Variants in RALGPS2 observed in about 807,000 individuals in gnomAD.
RALGPS2 encodes ras-specific guanine nucleotide-releasing factor RalGPS2.
In RALGPS2, 43 loss-of-function variants were observed where a neutral mutation model predicts 86.8. The observed-to-expected ratio is 0.50, with a 90% CI of 0.39 to 0.64. The LOEUF (loss-of-function observed/expected upper bound fraction) is 0.64, where lower values mean the gene tolerates loss of function less well. RALGPS2 is among the 30% of genes least tolerant of loss of function. RALGPS2 has a pLI of 0.00. For missense variants in RALGPS2, 536 were observed against 694.6 expected (o/e 0.77, Z 2.57); for synonymous variants, 243 against 231.3 (o/e 1.05, Z -0.46).
At chr1:178,775,073 A>G (rs1019257274) in intron 1 of RALGPS2, among the ~76,000 whole-genome samples, 1 of 152,182 alleles carries the variant, frequency 6.6e-6, no homozygotes, top group Non-Finnish European at 1.5e-5. Context: ...CTTTATGGGA[A>G]TTAAGCAGAT....
chr1:178,732,834 A>G (rs1233771372), intron 1 of RALGPS2, among the ~76,000 whole-genome samples: 1 of 151,792 alleles, frequency 6.6e-6, no homozygotes, highest in South Asian at 2.1e-4. Context: ...GATGTATTAC[A>G]TTAATAGATT....
intron 6 of RALGPS2, among the ~76,000 whole-genome samples, chr1:178,818,795 G>GT (rs138765840): frequency 6.6e-6 from 1 of 151,838 alleles, no homozygotes; most frequent in Non-Finnish European, 1.5e-5. Context: ...AAGGCTGTTG[G>GT]TTTTTTTTAC....
chr1:178,865,064 T>G (rs1658294536), intron 8 of RALGPS2: 1 of 1,515,272 alleles, frequency 6.6e-7, no homozygotes, highest in African/African-American at 1.4e-5. Flanking sequence ...CCTCTGAATC[T>G]CGTTACCTCC....
At chr1:178,854,929 G>C (rs1572406098) in intron 8 of RALGPS2, among the ~76,000 whole-genome samples, 5 of 152,094 alleles carry the variant, frequency 3.3e-5, no homozygotes, top group Admixed American at 3.3e-4. Flanking sequence ...TCCTTCTCCA[G>C]TGTTTCGAGC....
intron 4 of RALGPS2, among the ~76,000 whole-genome samples, chr1:178,798,569 G>T (rs1654315148): frequency 6.6e-6 from 1 of 152,076 alleles, no homozygotes; most frequent in Admixed American, 6.5e-5. Context: ...CACAGATTAA[G>T]GTCTGCAGCT....
chr1:178,905,820 A>C (rs780005080), intron 18 of RALGPS2, among the ~76,000 whole-genome samples: 29 of 152,240 alleles, frequency 1.9e-4, no homozygotes, highest in South Asian at 2.1e-4. Context: ...ATTAAAGTCA[A>C]TATAGAAATT....
intron 8 of RALGPS2, among the ~76,000 whole-genome samples, chr1:178,856,342 C>T (rs1248889792): frequency 6.8e-6 from 1 of 146,584 alleles, no homozygotes; most frequent in African/African-American, 2.5e-5. Context: ...ATCCTCCCAC[C>T]TCAGCCTCCC....
At chr1:178,897,558 G>A in intron 16 of RALGPS2, 106 bp from the exon 17 acceptor site, 2 of 867,880 alleles carry the variant, frequency 2.3e-6, no homozygotes, top group South Asian at 2.9e-5. Flanking sequence ...CTGAGGTTAG[G>A]ACTTTGGTTG....
chr1:178,893,161 T>C (rs1659787535), intron 15 of RALGPS2, among the ~76,000 whole-genome samples: 1 of 152,040 alleles, frequency 6.6e-6, no homozygotes, highest in Non-Finnish European at 1.5e-5. Flanking sequence ...TTTTATTGGC[T>C]CATGTAGAAA....
At chr1:178,881,690 A>G (rs191173281) in intron 10 of RALGPS2, among the ~76,000 whole-genome samples, 8 of 152,246 alleles carry the variant, frequency 5.3e-5, no homozygotes, top group African/African-American at 1.9e-4. Context: ...ACCTCAGATG[A>G]TTCACCAGCT....
chr1:178,777,041 G>A (rs1183597329), intron 2 of RALGPS2, among the ~76,000 whole-genome samples: 3 of 151,066 alleles, frequency 2.0e-5, no homozygotes, highest in East Asian at 1.9e-4. Context: ...ATGCTGGTGC[G>A]CTGCACCCAC....
chr1:178,802,399 G>T (rs1036242258), intron 4 of RALGPS2, among the ~76,000 whole-genome samples: 1 of 152,134 alleles, frequency 6.6e-6, no homozygotes, highest in Middle Eastern at 3.4e-3. Context: ...TGCTTCTTAG[G>T]AGCACTTCCA....
intron 9 of RALGPS2, 82 bp downstream of exon 9, chr1:178,877,717 C>CA: frequency 6.6e-7 from 1 of 1,503,982 alleles, no homozygotes; most frequent in Non-Finnish European, 9.2e-7. Context: ...GATCACTTTT[C>CA]ACACAGCAGG....
At chr1:178,877,476 C>T (rs2102363674) in intron 8 of RALGPS2, 22 bp from the exon 9 acceptor site, 1 of 1,610,978 alleles carries the variant, frequency 6.2e-7, no homozygotes, top group Non-Finnish European at 8.5e-7. Context: ...AGAAAACGTT[C>T]ATTTATCTAA....
intron 1 of RALGPS2, among the ~76,000 whole-genome samples, chr1:178,735,601 C>CTTTT (rs1299543356): frequency 4.8e-5 from 2 of 41,360 alleles, no homozygotes; most frequent in African/African-American, 1.2e-4. Flanking sequence ...TTTTTGTATT[C>CTTTT]TTTTTTTTTT....
chr1:178,884,957 C>G, intron 11 of RALGPS2, 119 bp from the exon 12 acceptor site: 1 of 971,000 alleles, frequency 1.0e-6, no homozygotes, highest in Non-Finnish European at 1.4e-6. Context: ...CATCTTCAAG[C>G]CAATTAAATA....
Position 178,917,982 on chromosome 1 carries a change from T to C in RALGPS2, c.*1623T>C, listed in dbSNP as rs1558186160. 6.6e-6 allele frequency: 1 copy of C among 152,184 alleles called. No homozygotes were observed. Among genetic ancestry groups the C allele is most frequent in the Non-Finnish European group, 1.5e-5 (1 of 68,008 alleles). 9.4% of individuals were successfully genotyped at this position (152,184 alleles called of 1,614,324 possible). On this transcript the variant is annotated 3_prime_UTR_variant, in exon 20 of 20. Transcript: ENST00000367635. ...TGCCCTTGAGTCCATGAAACTTCAA[T>C]AGAAAATATTGCTTATACAATAATT... is the stretch of plus-strand genomic sequence containing the variant.
At chr1:178,825,407 A>G (rs575004815) in intron 7 of RALGPS2, among the ~76,000 whole-genome samples, 117 of 152,280 alleles carry the variant, frequency 7.7e-4, no homozygotes, top group African/African-American at 2.5e-3. Context: ...GAGTCAAATA[A>G]TCACTGGATT....
At chr1:178,788,556 A>G (rs1481941450) in intron 4 of RALGPS2, among the ~76,000 whole-genome samples, 2 of 152,166 alleles carry the variant, frequency 1.3e-5, no homozygotes, top group African/African-American at 4.8e-5. Context: ...TGAGTGAGAG[A>G]GCAAGCCATA....
Sources: gnomAD v4.1 joint callset for allele counts (sites outside exome capture counted in the v4.1 genomes callset) on GRCh38, gnomAD v4.1.1 for gene constraint, MANE v1.5 for transcripts, NCBI Gene and HGNC (gene_info 2026-07-23, HGNC 2026-07-21) for gene names.